Variants in MYO9A observed in about 807,000 individuals in gnomAD.
MYO9A encodes the protein unconventional myosin-IXa.
MYO9A carries 103 observed loss-of-function variants against 293.3 expected under a neutral mutation model. The observed-to-expected ratio is 0.35, with a 90% CI of 0.30 to 0.41. MYO9A has a LOEUF of 0.41. MYO9A is among the 10% of genes least tolerant of loss of function. The pLI, the probability that MYO9A is intolerant of heterozygous loss-of-function variation, is 1.00. For synonymous variants in MYO9A, 1,001 were observed against 1,035.7 expected (o/e 0.97, Z 0.64); for missense variants, 2,685 against 3,033.0 (o/e 0.89, Z 2.69).
intron 1 of MYO9A, chr15:72,114,174 T>C (rs1396749956): frequency 6.6e-6 from 1 of 152,158 alleles, no homozygotes; most frequent in Admixed American, 6.5e-5. Flanking sequence ...GTATGGTTCC[T>C]TTCAATAAGC....
intron 28 of MYO9A, among the ~76,000 whole-genome samples, chr15:71,882,779 A>C (rs8036307): frequency 3.9e-5 from 6 of 151,948 alleles, no homozygotes; most frequent in Admixed American, 3.3e-4. Flanking sequence ...TCCAGTTACT[A>C]TATGTGCATA....
chr15:72,081,882 A>G (rs767387808), intron 1 of MYO9A, among the ~76,000 whole-genome samples: 72 of 151,844 alleles, frequency 4.7e-4, no homozygotes, highest in Non-Finnish European at 8.8e-4. Context: ...TCTCCATTCC[A>G]TTGGTCTATA....
In MYO9A at chr15:72,027,814, G is replaced by A. The variant is rs1440047204; in HGVS notation, c.936-21C>T. The A allele has an allele frequency of 2.6e-6, 4 of 1,549,516 alleles. No individual in the cohort carries two copies. In the African/African-American group the frequency reaches 5.5e-5, roughly 21 times the overall value. ...AGGCACTACAAGAAAAATTAAATTG[G>A]TTGATATAAATAATAAAGTTTAATA... On this transcript the variant is annotated intron_variant, in intron 3 of 41. Coordinates refer to ENST00000356056, the MANE Select transcript of MYO9A (RefSeq NM_006901.4).
intron 33 of MYO9A, among the ~76,000 whole-genome samples, chr15:71,861,464 T>C (rs921878312): frequency 6.8e-6 from 1 of 147,880 alleles, no homozygotes; most frequent in Non-Finnish European, 1.5e-5. Context: ...ATATGTAAAA[T>C]AATATATATA....
chr15:71,829,469 T>C (rs547058555), intron 40 of MYO9A, among the ~76,000 whole-genome samples: 1 of 151,960 alleles, frequency 6.6e-6, no homozygotes, highest in Non-Finnish European at 1.5e-5. Context: ...CAAGGCATAC[T>C]GTCACCCAAT....
At chr15:71,910,281 G>A (rs945301642) in intron 19 of MYO9A, among the ~76,000 whole-genome samples, 2 of 150,102 alleles carry the variant, frequency 1.3e-5, no homozygotes, top group Non-Finnish European at 3.0e-5. Flanking sequence ...CCCCAACCAA[G>A]GGTAATTATT....
At chr15:71,887,915 T>TG (rs2057069064) in intron 27 of MYO9A, 89 bp downstream of exon 27, 1 of 683,724 alleles carries the variant, frequency 1.5e-6, no homozygotes, top group Non-Finnish European at 2.3e-6. Context: ...CTATCAATTA[T>TG]GGTTTTTTTA....
rs548220464 is a variant in MYO9A at position 71,930,276 on chromosome 15, T to C, written c.2562+3394A>G. 2.0e-5 allele frequency among the ~76,000 whole-genome samples: 3 copies of C among 152,304 alleles called. No individual in the cohort carries two copies. The South Asian group carries it at 6.2e-4, about 32-fold the overall frequency. On this transcript the variant is annotated intron_variant, in intron 18 of 41. Transcript: ENST00000356056. ...TTATTGATTTTTGGTGTGGATGGTC[T>C]GTTCATTGTTGAAAGTGGGGTACTG...
At chr15:72,071,385 A>G (rs555324244) in intron 1 of MYO9A, among the ~76,000 whole-genome samples, 209 of 152,316 alleles carry the variant, frequency 1.4e-3, no homozygotes, top group African/African-American at 4.6e-3. Flanking sequence ...TTAAAAAGTC[A>G]AAAAAATAAG....
Position 71,824,911 on chromosome 15 carries a change from T to TAACA in MYO9A, c.*1665_*1668dup, listed in dbSNP as rs1298691121. The TAACA allele has an allele frequency of 1.3e-5, 2 of 152,124 alleles. No homozygotes were observed. The highest frequency in any genetic ancestry group is 2.9e-5 in the Non-Finnish European group (2 of 68,012). The allele number at this position is 152,124 out of a possible 1,614,324, so 9.4% of individuals were successfully genotyped here. On this transcript the variant is annotated 3_prime_UTR_variant, in exon 42 of 42. Transcript: ENST00000356056. The stretch of plus-strand genomic sequence containing the variant: ...CAGTGGCGTGAGGTTCAGTGTTGTG[T>TAACA]AACAGGAGAGAGAGACTCTGCCTTA...
intron 9 of MYO9A, among the ~76,000 whole-genome samples, chr15:71,996,917 T>C (rs1379968398): frequency 6.6e-6 from 1 of 151,994 alleles, no homozygotes; most frequent in East Asian, 1.9e-4. Context: ...TGGATTTCAC[T>C]CCCATATGAA....
intron 32 of MYO9A, among the ~76,000 whole-genome samples, chr15:71,872,800 A>T (rs575742039): frequency 1.3e-5 from 2 of 152,270 alleles, no homozygotes; most frequent in Non-Finnish European, 2.9e-5. Context: ...AGATATTAAA[A>T]TTTTTAAAAA....
chr15:71,876,082 C>T (rs1015104251), intron 31 of MYO9A, among the ~76,000 whole-genome samples: 1 of 151,936 alleles, frequency 6.6e-6, no homozygotes, highest in Non-Finnish European at 1.5e-5. Flanking sequence ...TTTTTTAAAC[C>T]TCAGTTCTGC....
At chr15:71,860,225 AC>A (rs2056058441) in intron 33 of MYO9A, among the ~76,000 whole-genome samples, 1 of 152,222 alleles carries the variant, frequency 6.6e-6, no homozygotes, top group Admixed American at 6.5e-5. Context: ...GGAAGGCATT[AC>A]TGTCAAAGAT....
At chr15:72,052,785 C>T (rs928175421) in intron 1 of MYO9A, among the ~76,000 whole-genome samples, 13 of 152,192 alleles carry the variant, frequency 8.5e-5, no homozygotes, top group African/African-American at 2.9e-4. Flanking sequence ...AGCCAGCATG[C>T]TCGGTTGTGT....
At chr15:72,110,767 A>AG (rs2080752269) in intron 1 of MYO9A, among the ~76,000 whole-genome samples, 4 of 152,356 alleles carry the variant, frequency 2.6e-5, no homozygotes, top group African/African-American at 9.6e-5. Context: ...ATCACACTTG[A>AG]AAGACAACTA....
rs12906164 is a variant in MYO9A at position 71,934,791 on chromosome 15, T to C, written c.2522+550A>G. 4.6e-3 allele frequency among the ~76,000 whole-genome samples: 624 copies of C among 135,338 alleles called. 1 individual carries two copies. Among genetic ancestry groups the C allele is most frequent in the Non-Finnish European group, 7.6e-3 (474 of 62,544 alleles). The allele number at this position is 135,338 out of a possible 152,430, so 88.8% of individuals were successfully genotyped here. ...AATTTTTTTTCTTTTCTTTTCTTTT[T>C]TTTTTTTTTTTTTTTTTTTTGGAGA... On this transcript the variant is annotated intron_variant, in intron 17 of 41. Coordinates refer to ENST00000356056, the MANE Select transcript of MYO9A (RefSeq NM_006901.4).
rs752196947 is a variant in MYO9A at position 71,828,013 on chromosome 15, A to C, written c.7054T>G (p.Phe2352Val). The C allele has an allele frequency of 1.2e-6, 2 of 1,613,450 alleles. No individual in the cohort carries two copies. Among genetic ancestry groups the C allele is most frequent in the South Asian group, 2.2e-5 (2 of 90,934 alleles). The stretch of plus-strand genomic sequence containing the variant: ...CGGGGTTCCAGTACAAGCATCTCAA[A>C]TGTTAGCTCCTCCCTGTAAGACACA... Reference protein sequence around the residue: ...NLQKEKEELTFEMLVLEPRAS... With the variant: ...NLQKEKEELTVEMLVLEPRAS... The change falls in exon 41 of 42, where the codon TTT becomes GTT. Residue 2352 changes from phenylalanine to valine, a missense_variant. Phe to Val is a conservative substitution (Grantham distance 50). This residue lies in a region of MYO9A where 350 missense variants were observed against 328.9 expected (regional missense o/e 1.06). Transcript: ENST00000356056.
At chr15:71,961,229 T>C (rs1349898129) in intron 13 of MYO9A, among the ~76,000 whole-genome samples, 1 of 152,128 alleles carries the variant, frequency 6.6e-6, no homozygotes, top group Non-Finnish European at 1.5e-5. Flanking sequence ...TTGGGACATG[T>C]AAAGGCAAAA....
Sources: gnomAD v4.1 joint callset for allele counts (sites outside exome capture counted in the v4.1 genomes callset) on GRCh38, gnomAD v4.1.1 for gene constraint, gnomAD v4.1.1 regional missense constraint, MANE v1.5 for transcripts, NCBI Gene and HGNC (gene_info 2026-07-23, HGNC 2026-07-21) for gene names.